The following HMOX1 variants were observed in gnomAD, a reference collection of about 807,000 sequenced individuals.
The protein encoded by HMOX1 is heat shock protein, 32-kD.
Under a neutral mutation model 27.8 loss-of-function variants are expected in HMOX1, and 22 were observed. That is an observed-to-expected ratio of 0.79 (90% CI 0.57 to 1.13). The LOEUF is 1.13. Among genes scored for constraint, HMOX1 ranks in the 50% most tolerant of loss-of-function variants. The pLI, the probability that HMOX1 is intolerant of heterozygous loss-of-function variation, is 0.00. For synonymous variants in HMOX1, 153 were observed against 151.6 expected, an observed-to-expected ratio of 1.01 and a Z score of -0.07; for missense variants, 379 against 377.7, an observed-to-expected ratio of 1.00 and a Z score of -0.03.
intron 4 of HMOX1, among the ~76,000 whole-genome samples, chr22:35,392,130 A>G (rs1346987398): frequency 6.6e-6 from 1 of 151,042 alleles, no homozygotes; most frequent in Non-Finnish European, 1.5e-5. Context: ...AGGCTGAGGC[A>G]GGAGAATCTC....
Position 35,386,567 on chromosome 22 carries a change from G to A in HMOX1, c.145-118G>A, listed in dbSNP as rs1473950408. The A allele has an allele frequency of 5.5e-6, 7 of 1,262,552 alleles. No individual in the cohort carries two copies. In the African/African-American group the frequency reaches 1.0e-4, roughly 19 times the overall value. The allele number at this position is 1,262,552 out of a possible 1,614,324, so 78.2% of individuals were successfully genotyped here. ...GGATTGTAGCGAGGGGTGGCAGAAGGAGTCAGAGCCCAGCTGCGAAGTGAG... is the reference window on the plus strand; with the variant it reads ...GGATTGTAGCGAGGGGTGGCAGAAGAAGTCAGAGCCCAGCTGCGAAGTGAG... On this transcript the variant is annotated intron_variant, in intron 2 of 4. Transcript: ENST00000216117.
chr22:35,381,212 G>A lies in HMOX1; in HGVS notation c.23+16G>A. On this transcript the variant is annotated intron_variant, in intron 1 of 4. Coordinates refer to ENST00000216117, the MANE Select transcript of HMOX1 (RefSeq NM_002133.3). ...AACCCGACAGGCAAGCGCGGGGCGC[G>A]GGACGCGGGACGGGCGCCTTTCTCT... 6.5e-7 allele frequency: 1 copy of A among 1,545,356 alleles called. No individual in the cohort carries two copies. The highest frequency in any genetic ancestry group is 8.7e-7 in the Non-Finnish European group (1 of 1,151,482).
chr22:35,385,698 C>T (rs1931484647), intron 2 of HMOX1, among the ~76,000 whole-genome samples: 1 of 150,818 alleles, frequency 6.6e-6, no homozygotes, highest in Non-Finnish European at 1.5e-5. Context: ...TCACTGCAAC[C>T]ACTGCCTCCT....
intron 3 of HMOX1, 149 bp downstream of exon 3, chr22:35,387,325 G>A (rs920391757): frequency 1.1e-5 from 10 of 872,992 alleles, no homozygotes; most frequent in Non-Finnish European, 1.9e-5. Context: ...GGTGATCTTG[G>A]GCAAATGCCT....
chr22:35,387,626 C>T (rs1931542458), intron 3 of HMOX1, among the ~76,000 whole-genome samples: 1 of 152,238 alleles, frequency 6.6e-6, no homozygotes, highest in Non-Finnish European at 1.5e-5. Context: ...GACTCTCAGC[C>T]TAGCCAGAGA....
chr22:35,386,354 G>A (rs898886797), intron 2 of HMOX1, among the ~76,000 whole-genome samples: 2 of 152,206 alleles, frequency 1.3e-5, no homozygotes, highest in Non-Finnish European at 2.9e-5. Flanking sequence ...CAATCCTCCA[G>A]CCTTAGCCTC....
chr22:35,381,543 C>T (rs968711475), intron 1 of HMOX1, among the ~76,000 whole-genome samples: 5 of 151,930 alleles, frequency 3.3e-5, no homozygotes, highest in African/African-American at 1.2e-4. Flanking sequence ...GCTCTGCCAG[C>T]CTGGGGGAGC....
chr22:35,384,112 C>T (rs1271569707), intron 2 of HMOX1, among the ~76,000 whole-genome samples: 1 of 151,948 alleles, frequency 6.6e-6, no homozygotes, highest in Non-Finnish European at 1.5e-5. Context: ...GACAGAGTCT[C>T]ACTCTGTTGT....
At chr22:35,388,806 A>AC (rs1450060992) in intron 3 of HMOX1, among the ~76,000 whole-genome samples, 19 of 147,086 alleles carry the variant, frequency 1.3e-4, no homozygotes, top group Non-Finnish European at 2.5e-4. Context: ...TAAAAACAAA[A>AC]AACAAACAAA....
In HMOX1 at chr22:35,389,250, T is replaced by TTTCTTTCTTTTCTC. The variant is rs1555901550; in HGVS notation, c.637-613_637-612insTCTTTCTTTTCTCT. On this transcript the variant is annotated intron_variant, in intron 3 of 4. Coordinates refer to ENST00000216117, the MANE Select transcript of HMOX1 (RefSeq NM_002133.3). Reference sequence around the variant, plus strand: ...CTTTCTTTCTTTCTTTTTCTTTCTTTTCTCTCTCTCTCTCTCTCTCTCTCC... The same window carrying TTTCTTTCTTTTCTC: ...CTTTCTTTCTTTCTTTTTCTTTCTTTTTCTTTCTTTTCTCTCTCTCTCTCTCTCTCTCTCTCTCC... Among the ~76,000 whole-genome samples the TTTCTTTCTTTTCTC allele has an allele frequency of 1.1e-4, 12 of 107,852 alleles. 1 individual carries two copies. Among genetic ancestry groups the TTTCTTTCTTTTCTC allele is most frequent in the African/African-American group, 5.4e-4 (11 of 20,516 alleles). The allele number at this position is 107,852 out of a possible 152,430, so 70.8% of individuals were successfully genotyped here.
Position 35,393,459 on chromosome 22 carries a change from C to G in HMOX1, c.737-9C>G. The G allele has an allele frequency of 6.2e-7, 1 of 1,614,170 alleles. No individual in the cohort carries two copies. ...CCTGTTAATGACCTTGCCCCATTTT[C>G]TCTTTCAGATTCTGCCCCCGTGGAG... On this transcript the variant is annotated splice_polypyrimidine_tract_variant and intron_variant, in intron 4 of 4. Transcript: ENST00000216117.
At chr22:35,392,335 T>G (rs1445730556) in intron 4 of HMOX1, among the ~76,000 whole-genome samples, 1 of 152,238 alleles carries the variant, frequency 6.6e-6, no homozygotes, top group Non-Finnish European at 1.5e-5. Flanking sequence ...TTTGGATCCT[T>G]GGTTGCATTT....
In HMOX1 at chr22:35,387,104, C is replaced by T. The variant is rs1477400519; in HGVS notation, c.564C>T (p.Ser188=). The change falls in exon 3 of 5, where the codon TCC becomes TCT. Residue 188 remains serine (S), a synonymous_variant. Transcript: ENST00000216117. ...AGCTCTACCGCTCCCGCATGAACTCCCTGGAGATGACTCCCGCAGTCAGGC... is the reference window on the plus strand; with the variant it reads ...AGCTCTACCGCTCCCGCATGAACTCTCTGGAGATGACTCCCGCAGTCAGGC... ...FKQLYRSRMN[S]LEMTPAVRQR... The T allele has an allele frequency of 1.9e-6, 3 of 1,613,520 alleles. No homozygotes were observed. Among genetic ancestry groups the T allele is most frequent in the Admixed American group, 1.7e-5 (1 of 60,012 alleles).
Position 35,381,310 on chromosome 22 carries a change from T to G in HMOX1, c.23+114T>G, listed in dbSNP as rs1931384552. ...GCGACAGAGCCCAGGAGCCAGAAAC[T>G]TGGGCTCTGGAGTCAGGAGGTGCGG... On this transcript the variant is annotated intron_variant, in intron 1 of 4. Transcript: ENST00000216117. 3.1e-6 allele frequency: 4 copies of G among 1,303,416 alleles called. No homozygotes were observed. The Admixed American group carries it at 8.1e-5, about 27-fold the overall frequency. The allele number at this position is 1,303,416 out of a possible 1,614,324, so 80.7% of individuals were successfully genotyped here. A position where few individuals can be genotyped will look rare whatever the true frequency, so the allele number is the denominator to read the frequency against.
intron 2 of HMOX1, among the ~76,000 whole-genome samples, chr22:35,385,095 T>C (rs1207972955): frequency 6.6e-6 from 1 of 152,160 alleles, no homozygotes; most frequent in Non-Finnish European, 1.5e-5. Flanking sequence ...GGCGTATTAA[T>C]GTGTAACGGG....
intron 3 of HMOX1, among the ~76,000 whole-genome samples, chr22:35,389,395 C>CCTTTCTTCCTTCCTTT (rs1931638856): frequency 1.9e-5 from 1 of 51,786 alleles, no homozygotes; most frequent in Admixed American, 2.0e-4. Flanking sequence ...TTCCTTCCTT[C>CCTTTCTTCCTTCCTTT]CTTTCTTTCT....
chr22:35,381,101 C>T lies in HMOX1; in HGVS notation c.-73C>T. On this transcript the variant is annotated 5_prime_UTR_variant, in exon 1 of 5. Transcript: ENST00000216117. ...CGGCCGCGGCTCCGGCAGTCAACGC[C>T]TGCCTCCTCTCGAGCGTCCTCAGCG... 1 of 1,526,482 alleles carries T rather than the reference C, an allele frequency of 6.6e-7. No homozygotes were observed. The highest frequency in any genetic ancestry group is 8.8e-7 in the Non-Finnish European group (1 of 1,139,592). The allele number at this position is 1,526,482 out of a possible 1,614,324, so 94.6% of individuals were successfully genotyped here.
rs73885946 is a variant in HMOX1, at chr22:35,386,918, C to T, written c.378C>T (p.Pro126=). The part of the protein sequence containing the change: ...KRLHEVGRTE[P]ELLVAHAYTR... ...TCCACGAGGTGGGGCGCACAGAGCC[C>T]GAGCTGCTGGTGGCCCACGCCTACA... The change falls in exon 3 of 5, where the codon CCC becomes CCT. Residue 126 remains proline (P), a synonymous_variant. Coordinates refer to ENST00000216117, the MANE Select transcript of HMOX1 (RefSeq NM_002133.3). 6.5e-4 allele frequency: 1,057 copies of T among 1,614,010 alleles called. 5 individuals are homozygous for T. The African/African-American group carries it at 0.012, about 18-fold the overall frequency.
chr22:35,389,395 C>CTTCCTTTCTTCCTTTCTTT (rs1555901605), intron 3 of HMOX1, among the ~76,000 whole-genome samples: 3 of 51,812 alleles, frequency 5.8e-5, no homozygotes, highest in African/African-American at 3.6e-4. Flanking sequence ...TTCCTTCCTT[C>CTTCCTTTCTTCCTTTCTTT]CTTTCTTTCT....
Sources: allele counts gnomAD v4.1 joint callset (sites outside exome capture counted in the v4.1 genomes callset), GRCh38; gene constraint gnomAD v4.1.1; transcripts MANE v1.5; gene names NCBI Gene and HGNC (gene_info 2026-07-23, HGNC 2026-07-21).